TTLL9: variants seen among roughly 807,000 people sequenced by gnomAD.
TTLL9 encodes the protein probable tubulin polyglutamylase TTLL9.
TTLL9 carries 47 observed loss-of-function variants against 65.6 expected under a neutral mutation model. The observed-to-expected ratio is 0.72, with a 90% CI of 0.57 to 0.91. TTLL9 has a LOEUF of 0.91. Among genes scored for constraint, TTLL9 ranks in the 40% least tolerant of loss-of-function variants. The pLI, the probability that TTLL9 is intolerant of heterozygous loss-of-function variation, is 0.00. For synonymous variants in TTLL9, 179 were observed against 204.8 expected, an observed-to-expected ratio of 0.87 and a Z score of 1.07; for missense variants, 537 against 568.8, an observed-to-expected ratio of 0.94 and a Z score of 0.57.
intron 2 of TTLL9, 104 bp downstream of exon 2, chr20:31,871,299 C>G: frequency 7.7e-7 from 1 of 1,290,860 alleles, no homozygotes; most frequent in Admixed American, 1.7e-5. Context: ...GGTCTGGAGA[C>G]CAAGGTTTGA....
At chr20:31,935,129 A>G (rs1427775805) in intron 12 of TTLL9, among the ~76,000 whole-genome samples, 29 of 152,180 alleles carry the variant, frequency 1.9e-4, no homozygotes, top group Admixed American at 1.8e-3. Context: ...CTGAGGACCG[A>G]GCCTGGCACT....
Position 31,934,237 on chromosome 20 carries a change from A to G in TTLL9, c.807+379A>G. The G allele has an allele frequency of 6.1e-6, 3 of 487,962 alleles. No homozygotes were observed. In the Admixed American group the frequency reaches 7.4e-5, roughly 12 times the overall value. 30.2% of individuals were successfully genotyped at this position (487,962 alleles called of 1,614,324 possible). Reference sequence around the variant, plus strand: ...CCAGGTTCAAATACAGAATTCTCAGACTTCTCAGAGTCAAGGGCCAGATCA... The same window carrying G: ...CCAGGTTCAAATACAGAATTCTCAGGCTTCTCAGAGTCAAGGGCCAGATCA... On this transcript the variant is annotated intron_variant, in intron 11 of 14. Coordinates refer to ENST00000535842, the MANE Select transcript of TTLL9 (RefSeq NM_001008409.5).
chr20:31,879,973 G>T, intron 2 of TTLL9: 2 of 1,321,612 alleles, frequency 1.5e-6, no homozygotes, highest in Non-Finnish European at 1.1e-6. Context: ...ATTCAAAATC[G>T]GTTGGGGATG....
intron 3 of TTLL9, among the ~76,000 whole-genome samples, chr20:31,889,523 A>G (rs1406044596): frequency 6.6e-6 from 1 of 151,248 alleles, no homozygotes; most frequent in Non-Finnish European, 1.5e-5. Flanking sequence ...CCCGGGTTCA[A>G]GTGATTCTCC....
chr20:31,881,933 T>TG (rs937915091), intron 2 of TTLL9, among the ~76,000 whole-genome samples: 7 of 152,306 alleles, frequency 4.6e-5, no homozygotes, highest in African/African-American at 1.7e-4. Context: ...AAAAAAATAG[T>TG]GGACTACTTC....
At chr20:31,928,852 A>T (rs11167296) in intron 10 of TTLL9, among the ~76,000 whole-genome samples, 11,231 of 152,296 alleles carry the variant, frequency 0.074, 430 homozygotes, top group Middle Eastern at 0.22. Flanking sequence ...AAAGTATGAA[A>T]GGATGTTCGT....
At chr20:31,923,695 G>A (rs904060130) in intron 8 of TTLL9, among the ~76,000 whole-genome samples, 1 of 152,130 alleles carries the variant, frequency 6.6e-6, no homozygotes, top group Non-Finnish European at 1.5e-5. Context: ...TTTCTCACTC[G>A]GGCTCTGGGA....
At chr20:31,939,344 G>T (rs2064169664) in intron 14 of TTLL9, 78 bp downstream of exon 14, 2 of 1,543,086 alleles carry the variant, frequency 1.3e-6, no homozygotes, top group Non-Finnish European at 1.8e-6. Context: ...GGCAGCTTGG[G>T]ATAGTGGTTA....
intron 3 of TTLL9, among the ~76,000 whole-genome samples, chr20:31,891,133 C>T (rs956217568): frequency 3.3e-5 from 5 of 152,074 alleles, no homozygotes; most frequent in Non-Finnish European, 5.9e-5. Flanking sequence ...TACTAAAAAC[C>T]GCCCGGTGAC....
chr20:31,943,185 T>C lies in TTLL9; in HGVS notation c.*164T>C, dbSNP rs778429167. On this transcript the variant is annotated 3_prime_UTR_variant, in exon 15 of 15. Coordinates refer to ENST00000535842, the MANE Select transcript of TTLL9 (RefSeq NM_001008409.5). ...CAGCTTACTACCTGAATTGGGCCCCTTGGATACCTCCAGCCCATCCCCAGG... is the reference window on the plus strand; with the variant it reads ...CAGCTTACTACCTGAATTGGGCCCCCTGGATACCTCCAGCCCATCCCCAGG... 4.5e-6 allele frequency: 3 copies of C among 664,830 alleles called. No homozygotes were observed. In the South Asian group the frequency reaches 5.1e-5, roughly 11 times the overall value. 41.2% of individuals were successfully genotyped at this position (664,830 alleles called of 1,614,324 possible). A position where few individuals can be genotyped will look rare whatever the true frequency, so the allele number is the denominator to read the frequency against.
intron 4 of TTLL9, 53 bp from the exon 5 acceptor site, chr20:31,908,538 G>T: frequency 7.4e-7 from 1 of 1,358,066 alleles, no homozygotes; most frequent in East Asian, 2.3e-5. Context: ...GGGCCCTGCA[G>T]TGCCAAGGTC....
intron 6 of TTLL9, among the ~76,000 whole-genome samples, chr20:31,914,103 G>A (rs547784925): frequency 1.3e-5 from 2 of 152,332 alleles, no homozygotes; most frequent in South Asian, 4.1e-4. Context: ...TCAGCCTTGG[G>A]GGCCTATTTC....
chr20:31,905,678 G>A (rs567703827), intron 4 of TTLL9, among the ~76,000 whole-genome samples: 1 of 152,242 alleles, frequency 6.6e-6, no homozygotes, highest in East Asian at 1.9e-4. Flanking sequence ...CACATGGTGT[G>A]ACATTCAGGA....
chr20:31,943,568 C>G lies in TTLL9; in HGVS notation c.*547C>G, dbSNP rs954590393. 2.8e-6 allele frequency: 1 copy of G among 354,088 alleles called. No homozygotes were observed. The highest frequency in any genetic ancestry group is 5.6e-6 in the Non-Finnish European group (1 of 178,986). 21.9% of individuals were successfully genotyped at this position (354,088 alleles called of 1,614,324 possible). On this transcript the variant is annotated 3_prime_UTR_variant, in exon 15 of 15. Coordinates refer to ENST00000535842, the MANE Select transcript of TTLL9 (RefSeq NM_001008409.5). ...TGTTTATTGGGGGCCTGGGGAAGTACTGAGCCCTAAACACATCCTCTTCTC... is the reference window on the plus strand; with the variant it reads ...TGTTTATTGGGGGCCTGGGGAAGTAGTGAGCCCTAAACACATCCTCTTCTC...
intron 3 of TTLL9, among the ~76,000 whole-genome samples, chr20:31,891,834 A>C (rs2063311173): frequency 6.6e-6 from 1 of 151,962 alleles, no homozygotes; most frequent in Non-Finnish European, 1.5e-5. Context: ...ATGGAGTCTC[A>C]CTCTGTCACC....
intron 3 of TTLL9, among the ~76,000 whole-genome samples, chr20:31,890,142 C>CTTTCTTTCTTTCT (rs1568753417): frequency 8.0e-5 from 2 of 25,138 alleles, no homozygotes; most frequent in East Asian, 4.9e-4. Flanking sequence ...TCCTTCCTTC[C>CTTTCTTTCTTTCT]TTCCTTCCTT....
chr20:31,877,494 T>G (rs1600513069), intron 2 of TTLL9, among the ~76,000 whole-genome samples: 1 of 152,208 alleles, frequency 6.6e-6, no homozygotes, highest in African/African-American at 2.4e-5. Flanking sequence ...TTATGAATAG[T>G]GCTTTATTAT....
intron 6 of TTLL9, among the ~76,000 whole-genome samples, chr20:31,917,952 T>G (rs563289124): frequency 2.0e-5 from 3 of 152,314 alleles, no homozygotes; most frequent in Admixed American, 2.0e-4. Context: ...ATTGTGCTTA[T>G]CTGGGAGGGA....
intron 2 of TTLL9, chr20:31,884,051 AG>A: frequency 1.8e-6 from 1 of 542,522 alleles, no homozygotes; most frequent in South Asian, 3.1e-5. Flanking sequence ...GAAAACTCAA[AG>A]GATTTACAAA....
Sources: allele counts gnomAD v4.1 joint callset (sites outside exome capture counted in the v4.1 genomes callset), GRCh38; gene constraint gnomAD v4.1.1; transcripts MANE v1.5; gene names NCBI Gene and HGNC (gene_info 2026-07-23, HGNC 2026-07-21).